The following ADAMTS2 variants were observed in gnomAD, a reference collection of about 807,000 sequenced individuals.
ADAMTS2 encodes the protein ADAM metallopeptidase with thrombospondin type 1 motif 2, also known as A disintegrin and metalloproteinase with thrombospondin motifs 2.
A neutral mutation model predicts 123.0 loss-of-function variants in ADAMTS2; 50 were observed. The ratio of observed to expected loss-of-function variants is 0.41; its 90% CI spans 0.32 to 0.51. The LOEUF is 0.51. Ranked by LOEUF, ADAMTS2 falls within the 20% of genes least tolerant of loss-of-function variation. The probability of loss-of-function intolerance (pLI) is 0.35; values close to 1 mark genes in which losing one functional copy is unlikely to be tolerated. For missense variants in ADAMTS2, 1,494 were observed against 1,705.2 expected (o/e 0.88, Z 2.18); for synonymous variants, 678 against 695.4 (o/e 0.98, Z 0.39).
intron 5 of ADAMTS2, among the ~76,000 whole-genome samples, chr5:179,179,245 C>T (rs539772332): frequency 1.1e-4 from 16 of 142,202 alleles, no homozygotes; most frequent in African/African-American, 3.9e-4. Context: ...CCATGCCTGG[C>T]CCCTAGTAGG....
intron 21 of ADAMTS2, among the ~76,000 whole-genome samples, chr5:179,116,428 G>A (rs1762661341): frequency 6.6e-6 from 1 of 152,130 alleles, no homozygotes; most frequent in African/African-American, 2.4e-5. Context: ...TCCTCCTTCA[G>A]GGGCAGTTGG....
At chr5:179,292,864 C>T (rs1010800479) in intron 2 of ADAMTS2, among the ~76,000 whole-genome samples, 1 of 152,222 alleles carries the variant, frequency 6.6e-6, no homozygotes, top group Non-Finnish European at 1.5e-5. Flanking sequence ...CATTTCCAGG[C>T]CTCCAGCCCC....
intron 21 of ADAMTS2, among the ~76,000 whole-genome samples, chr5:179,119,931 C>T (rs1050984926): frequency 2.0e-5 from 3 of 152,102 alleles, no homozygotes; most frequent in Non-Finnish European, 2.9e-5. Flanking sequence ...ATTCAAAACC[C>T]GGAGTCACGG....
rs1034261016 is a variant in ADAMTS2, at chr5:179,210,723, C to T, written c.689-3008G>A. Reference sequence around the variant, plus strand: ...CCTAAGAGCAGGGGGATCTGCAATGCCCTCAGACCTGGGGCAACAGGAGCT... The same window carrying T: ...CCTAAGAGCAGGGGGATCTGCAATGTCCTCAGACCTGGGGCAACAGGAGCT... On this transcript the variant is annotated intron_variant, in intron 3 of 21. Coordinates refer to ENST00000251582, the MANE Select transcript of ADAMTS2 (RefSeq NM_014244.5). Among the ~76,000 whole-genome samples the T allele has an allele frequency of 5.3e-5, 8 of 152,226 alleles. No individual in the cohort carries two copies. The South Asian group carries it at 6.2e-4, about 12-fold the overall frequency.
chr5:179,293,976 A>G (rs756172441), intron 2 of ADAMTS2, among the ~76,000 whole-genome samples: 1 of 152,068 alleles, frequency 6.6e-6, no homozygotes, highest in Non-Finnish European at 1.5e-5. Context: ...CATCTCAAAC[A>G]TTCCACTTAA....
At position 179,307,352 on chromosome 5, in the gene ADAMTS2, G is replaced by A. The variant is rs1303188338; in HGVS notation, c.535-34288C>T. Among the ~76,000 whole-genome samples the A allele has an allele frequency of 6.6e-6, 1 of 152,170 alleles. No individual in the cohort carries two copies. Among genetic ancestry groups the A allele is most frequent in the Non-Finnish European group, 1.5e-5 (1 of 68,018 alleles). ...CTCGAGCACCCGGCCAACCCTGGGT[G>A]GCCACTGCTCAGCACTCCAGGACAG... On this transcript the variant is annotated intron_variant, in intron 2 of 21. Coordinates refer to ENST00000251582, the MANE Select transcript of ADAMTS2 (RefSeq NM_014244.5). This position sits in a 1 kb window ranked among gnomAD's most constrained non-coding sequence, Gnocchi z 5.6.
At position 179,130,840 on chromosome 5, in the gene ADAMTS2, C is replaced by G. The variant is rs7722105; in HGVS notation, c.2291-742G>C. 0.49 allele frequency among the ~76,000 whole-genome samples: 74,049 copies of G among 151,846 alleles called. 18,109 individuals are homozygous for G. The highest frequency in any genetic ancestry group is 0.51 in the Admixed American group (7,815 of 15,262). ...AACAAAGCCTCTGCTTGGTGCCACA[C>G]GTCCCTGCCTTCTCTCTGGCCCTTG... On this transcript the variant is annotated intron_variant, in intron 15 of 21. Transcript: ENST00000251582. The surrounding 1 kb of genome is among the most constrained non-coding windows in gnomAD (Gnocchi z 4.3).
At chr5:179,217,463 T>C (rs1765008942) in intron 3 of ADAMTS2, among the ~76,000 whole-genome samples, 2 of 152,226 alleles carry the variant, frequency 1.3e-5, no homozygotes, top group Admixed American at 6.5e-5. Flanking sequence ...TTTGTTTTAA[T>C]GATGTTAGGA....
chr5:179,220,521 G>C (rs565325224), intron 3 of ADAMTS2, among the ~76,000 whole-genome samples: 1 of 152,302 alleles, frequency 6.6e-6, no homozygotes, highest in Admixed American at 6.5e-5. Context: ...ACCTCCGGCT[G>C]CACTGCCAGC....
rs1020392231 is a variant in ADAMTS2, at chr5:179,322,802, G to A, written c.534+20965C>T. On this transcript the variant is annotated intron_variant, in intron 2 of 21. Transcript: ENST00000251582. ...TCTCTGGGCTGCGGCTCCCTCACTC[G>A]GGGCCTGACGGTACCAGGGGGAGTT... Among the ~76,000 whole-genome samples the A allele has an allele frequency of 1.2e-4, 19 of 152,354 alleles. 1 individual carries two copies. The South Asian group carries it at 2.1e-3, about 17-fold the overall frequency.
chr5:179,227,354 G>A (rs566355986), intron 3 of ADAMTS2, among the ~76,000 whole-genome samples: 1 of 152,322 alleles, frequency 6.6e-6, no homozygotes, highest in Admixed American at 6.5e-5. Context: ...CAGGGGTCAG[G>A]GGCAGAGGGA....
rs1757036724 is a variant in ADAMTS2 at position 179,317,551 on chromosome 5, T to G, written c.534+26216A>C. ...CCCAGCGACACTGTGTGGGGACTCC[T>G]GCACCTCTTCCTGCTGCCCAGACCA... On this transcript the variant is annotated intron_variant, in intron 2 of 21. Coordinates refer to ENST00000251582, the MANE Select transcript of ADAMTS2 (RefSeq NM_014244.5). The surrounding 1 kb of genome is among the most constrained non-coding windows in gnomAD (Gnocchi z 4.9). Among the ~76,000 whole-genome samples the G allele has an allele frequency of 6.6e-6, 1 of 152,164 alleles. No individual in the cohort carries two copies.
rs1028479100 is a variant in ADAMTS2 at position 179,188,972 on chromosome 5, G to C, written c.892-7817C>G. On this transcript the variant is annotated intron_variant, in intron 4 of 21. Transcript: ENST00000251582. This position sits in a 1 kb window ranked among gnomAD's most constrained non-coding sequence, Gnocchi z 5.1. Reference sequence around the variant, plus strand: ...AAGAGGCTGCCCCTCCCCCTCTCCTGAATTTGGGGGGTTAGCAGAGTGTGG... The same window carrying C: ...AAGAGGCTGCCCCTCCCCCTCTCCTCAATTTGGGGGGTTAGCAGAGTGTGG... Among the ~76,000 whole-genome samples, 1 of 152,140 alleles carries C rather than the reference G, an allele frequency of 6.6e-6. No homozygotes were observed. Among genetic ancestry groups the C allele is most frequent in the South Asian group, 2.1e-4 (1 of 4,816 alleles).
chr5:179,216,677 G>A (rs551110701), intron 3 of ADAMTS2, among the ~76,000 whole-genome samples: 7 of 152,354 alleles, frequency 4.6e-5, no homozygotes, highest in Admixed American at 6.5e-5. Flanking sequence ...ACCTCCGGGA[G>A]CCTCCATCCA....
intron 2 of ADAMTS2, among the ~76,000 whole-genome samples, chr5:179,322,171 A>G (rs1217521557): frequency 1.3e-5 from 2 of 152,228 alleles, no homozygotes. Flanking sequence ...ATGAAGGCAC[A>G]TACGACAGTT....
At chr5:179,146,104 C>T (rs1201079069) in intron 10 of ADAMTS2, among the ~76,000 whole-genome samples, 1 of 152,182 alleles carries the variant, frequency 6.6e-6, no homozygotes, top group Admixed American at 6.5e-5. Flanking sequence ...ATCCTCCTGC[C>T]TCAGCCTCCC....
chr5:179,225,452 T>C lies in ADAMTS2; in HGVS notation c.689-17737A>G, dbSNP rs531964785. On this transcript the variant is annotated intron_variant, in intron 3 of 21. Coordinates refer to ENST00000251582, the MANE Select transcript of ADAMTS2 (RefSeq NM_014244.5). The surrounding 1 kb of genome is among the most constrained non-coding windows in gnomAD (Gnocchi z 4.5). ...GTGAGGACAGGCACTCTTGCCTTTGTGCCCAAATGTCACATTTCCCAAGAC... is the reference window on the plus strand; with the variant it reads ...GTGAGGACAGGCACTCTTGCCTTTGCGCCCAAATGTCACATTTCCCAAGAC... Among the ~76,000 whole-genome samples the C allele has an allele frequency of 5.3e-5, 8 of 152,296 alleles. No homozygotes were observed. The highest frequency in any genetic ancestry group is 1.7e-4 in the African/African-American group (7 of 41,560).
At chr5:179,207,808 CT>C in intron 3 of ADAMTS2, 93 bp from the exon 4 acceptor site, 2 of 1,102,346 alleles carry the variant, frequency 1.8e-6, no homozygotes, top group Non-Finnish European at 2.7e-6. Flanking sequence ...TCATTTAAAA[CT>C]CATAGCACCC....
At chr5:179,186,108 G>A (rs989935473) in intron 4 of ADAMTS2, among the ~76,000 whole-genome samples, 8 of 152,128 alleles carry the variant, frequency 5.3e-5, no homozygotes, top group African/African-American at 1.4e-4. Context: ...AGGCCGTGGT[G>A]GGGCTTGCGA....
Sources: gnomAD v4.1 joint callset for allele counts (sites outside exome capture counted in the v4.1 genomes callset) on GRCh38, gnomAD v4.1.1 for gene constraint, Gnocchi (gnomAD v3.1) non-coding constraint, MANE v1.5 for transcripts, NCBI Gene and HGNC (gene_info 2026-07-23, HGNC 2026-07-21) for gene names.